Variants in FSTL5 observed in about 807,000 individuals in gnomAD.
FSTL5 encodes follistatin-related protein 5.
In FSTL5, 62 loss-of-function variants were observed where a neutral mutation model predicts 89.1. The ratio of observed to expected loss-of-function variants is 0.70; its 90% CI spans 0.57 to 0.86. The LOEUF (loss-of-function observed/expected upper bound fraction) is 0.86. Ranked by LOEUF, FSTL5 falls within the 40% of genes least tolerant of loss-of-function variation. FSTL5 has a pLI of 0.00. For missense variants in FSTL5, 1,057 were observed against 1,001.6 expected, an observed-to-expected ratio of 1.06 and a Z score of -0.75; for synonymous variants, 383 against 346.2, an observed-to-expected ratio of 1.11 and a Z score of -1.18.
At chr4:161,962,302 A>C (rs940016539) in intron 3 of FSTL5, among the ~76,000 whole-genome samples, 3 of 151,946 alleles carry the variant, frequency 2.0e-5, no homozygotes, top group Non-Finnish European at 2.9e-5. Flanking sequence ...TTACCTTTTC[A>C]ATTATTTTGT....
intron 15 of FSTL5, among the ~76,000 whole-genome samples, chr4:161,397,589 G>A (rs1047891218): frequency 1.3e-5 from 2 of 151,078 alleles, no homozygotes; most frequent in Non-Finnish European, 3.0e-5. Flanking sequence ...ATTATATATA[G>A]TATTTGACGA....
At chr4:161,599,289 C>T (rs115193227) in intron 7 of FSTL5, among the ~76,000 whole-genome samples, 1,535 of 152,074 alleles carry the variant, frequency 0.01, 22 homozygotes, top group Non-Finnish European at 0.014. Context: ...AACTAAAATG[C>T]CTAATCCCAA....
chr4:161,470,191 A>C (rs530285843), intron 13 of FSTL5, among the ~76,000 whole-genome samples: 11 of 152,154 alleles, frequency 7.2e-5, no homozygotes, highest in African/African-American at 2.4e-4. Context: ...CAATAGCATA[A>C]ATTTTTTGCT....
At chr4:161,753,906 G>A (rs1380943342) in intron 6 of FSTL5, among the ~76,000 whole-genome samples, 6 of 151,894 alleles carry the variant, frequency 4.0e-5, no homozygotes, top group Admixed American at 1.3e-4. Context: ...GCCGGGCGTG[G>A]TGGCTGGCGC....
intron 4 of FSTL5, among the ~76,000 whole-genome samples, chr4:161,855,100 T>C (rs950432212): frequency 1.3e-5 from 2 of 151,240 alleles, no homozygotes; most frequent in Admixed American, 1.3e-4. Flanking sequence ...TTCTCAGAAA[T>C]GTGGCTCCAG....
chr4:161,585,838 A>G (rs1578946477), intron 8 of FSTL5, among the ~76,000 whole-genome samples: 1 of 152,202 alleles, frequency 6.6e-6, no homozygotes, highest in African/African-American at 2.4e-5. Context: ...ATCAGCAGGT[A>G]CAATTACTTT....
chr4:161,772,839 A>G (rs7694366), intron 5 of FSTL5, among the ~76,000 whole-genome samples: 31,852 of 152,080 alleles, frequency 0.21, 6,128 homozygotes, highest in African/African-American at 0.51. Flanking sequence ...GAACTGGAAA[A>G]AACAATCCAA....
At chr4:161,554,653 T>A (rs1170454001) in intron 8 of FSTL5, among the ~76,000 whole-genome samples, 1 of 151,666 alleles carries the variant, frequency 6.6e-6, no homozygotes, top group Non-Finnish European at 1.5e-5. Flanking sequence ...CACTGACTAT[T>A]TTTTCCTTTT....
chr4:162,050,167 ATC>A (rs1348989089), intron 2 of FSTL5, among the ~76,000 whole-genome samples: 5 of 151,856 alleles, frequency 3.3e-5, no homozygotes, highest in Non-Finnish European at 7.4e-5. Flanking sequence ...TGAATACACA[ATC>A]TAGAATTGAA....
intron 3 of FSTL5, among the ~76,000 whole-genome samples, chr4:161,960,836 G>C (rs1320862849): frequency 1.3e-5 from 2 of 151,744 alleles, no homozygotes; most frequent in African/African-American, 4.8e-5. Flanking sequence ...ACCTCAAAAG[G>C]ATCAGATAGA....
intron 15 of FSTL5, 24 bp from the exon 16 acceptor site, chr4:161,386,473 TAGAC>T: frequency 1.3e-6 from 2 of 1,528,578 alleles, no homozygotes; most frequent in Non-Finnish European, 1.8e-6. Context: ...AAATCAGAGT[TAGAC>T]AGGAAGCAAT....
chr4:162,117,522 G>A (rs1731687969), intron 1 of FSTL5, among the ~76,000 whole-genome samples: 1 of 152,208 alleles, frequency 6.6e-6, no homozygotes, highest in Non-Finnish European at 1.5e-5. Flanking sequence ...TGCGAGACAG[G>A]AGAAGGATGT....
At chr4:161,665,421 G>A (rs1183298910) in intron 6 of FSTL5, among the ~76,000 whole-genome samples, 1 of 152,076 alleles carries the variant, frequency 6.6e-6, no homozygotes, top group Non-Finnish European at 1.5e-5. Context: ...TTTTAGTAGA[G>A]ATGGGGTTTC....
intron 4 of FSTL5, among the ~76,000 whole-genome samples, chr4:161,778,290 T>G (rs1272915032): frequency 2.6e-5 from 4 of 152,206 alleles, no homozygotes; most frequent in Admixed American, 2.6e-4. Context: ...AAAAATGCAG[T>G]GCATAAATAA....
intron 3 of FSTL5, among the ~76,000 whole-genome samples, chr4:161,930,721 C>T (rs1734262875): frequency 6.6e-6 from 1 of 151,848 alleles, no homozygotes; most frequent in Non-Finnish European, 1.5e-5. Flanking sequence ...TTTGCTTCAA[C>T]TCTCTACCTC....
chr4:162,143,811 CACACACACAT>C (rs1227303758), intron 1 of FSTL5, among the ~76,000 whole-genome samples: 7 of 98,474 alleles, frequency 7.1e-5, no homozygotes, highest in African/African-American at 1.7e-4. Context: ...CACACACACA[CACACACACAT>C]ACAAACACAC....
At chr4:162,007,622 C>T (rs1736648766) in intron 3 of FSTL5, among the ~76,000 whole-genome samples, 1 of 149,026 alleles carries the variant, frequency 6.7e-6, no homozygotes, top group Non-Finnish European at 1.5e-5. Flanking sequence ...TCATATCCAA[C>T]TTATTAAAAA....
chr4:162,005,238 G>A (rs1056846311), intron 3 of FSTL5, among the ~76,000 whole-genome samples: 2 of 151,946 alleles, frequency 1.3e-5, no homozygotes, highest in African/African-American at 4.8e-5. Flanking sequence ...TCATTATTTA[G>A]GACACAACTT....
chr4:161,963,276 A>C (rs1735231536), intron 3 of FSTL5, among the ~76,000 whole-genome samples: 1 of 151,966 alleles, frequency 6.6e-6, no homozygotes, highest in African/African-American at 2.4e-5. Flanking sequence ...TCTTTATTAA[A>C]ATAATATATT....
Sources: gnomAD v4.1 joint callset for allele counts (sites outside exome capture counted in the v4.1 genomes callset) on GRCh38, gnomAD v4.1.1 for gene constraint, MANE v1.5 for transcripts, NCBI Gene and HGNC (gene_info 2026-07-23, HGNC 2026-07-21) for gene names.